Variants in BNC2 observed in about 807,000 individuals in gnomAD.
BNC2 encodes the protein basonuclin zinc finger protein 2, also known as zinc finger protein basonuclin-2.
Under a neutral mutation model 76.3 loss-of-function variants are expected in BNC2, and 20 were observed. That is an observed-to-expected ratio of 0.26 (90% CI 0.18 to 0.38). The LOEUF is 0.38. Among genes scored for constraint, BNC2 ranks in the 10% least tolerant of loss-of-function variants. The pLI is 1.00. For synonymous variants in BNC2, 582 were observed against 514.8 expected (o/e 1.13, Z -1.77); for missense variants, 1,382 against 1,399.8 (o/e 0.99, Z 0.20).
intron 1 of BNC2, among the ~76,000 whole-genome samples, chr9:16,857,732 C>G (rs1819299847): frequency 6.6e-6 from 1 of 152,116 alleles, no homozygotes; most frequent in Non-Finnish European, 1.5e-5. Context: ...TCTAAAATAA[C>G]TGGCAAAAGG....
intron 5 of BNC2, among the ~76,000 whole-genome samples, chr9:16,530,471 C>G (rs982572298): frequency 9.9e-5 from 15 of 152,132 alleles, no homozygotes; most frequent in African/African-American, 3.6e-4. Flanking sequence ...TGGATTTTCT[C>G]TCTCATAAAA....
At chr9:16,670,578 A>G (rs1357588625) in intron 3 of BNC2, among the ~76,000 whole-genome samples, 2 of 152,228 alleles carry the variant, frequency 1.3e-5, no homozygotes, top group African/African-American at 4.8e-5. Flanking sequence ...TTTAGTGTGG[A>G]TAAAGCAGTA....
At position 16,716,850 on chromosome 9, in the gene BNC2, T is replaced by G. The variant is rs1299824136; in HGVS notation, c.330+10947A>C. Among the ~76,000 whole-genome samples, 4 of 152,246 alleles carry G rather than the reference T, an allele frequency of 2.6e-5. No individual in the cohort carries two copies. In the East Asian group the frequency reaches 7.7e-4, roughly 29 times the overall value. ...TTTTCTTCCATTTTTACCTAAAGAA[T>G]GTAATCCCTGAACATATGCCAAATT... is the stretch of plus-strand genomic sequence containing the variant. On this transcript the variant is annotated intron_variant, in intron 3 of 6. Transcript: ENST00000380672.
chr9:16,739,625 T>C (rs566515605), intron 1 of BNC2, among the ~76,000 whole-genome samples: 3 of 152,262 alleles, frequency 2.0e-5, no homozygotes, highest in East Asian at 1.9e-4. Context: ...TGAGCGGAGA[T>C]TGTGCCATTG....
chr9:16,667,386 G>C (rs921475665), intron 3 of BNC2, among the ~76,000 whole-genome samples: 1 of 152,118 alleles, frequency 6.6e-6, no homozygotes, highest in South Asian at 2.1e-4. Context: ...ACTGAGATTA[G>C]GTGGTAAAAA....
chr9:16,847,066 G>A (rs890805294), intron 1 of BNC2, among the ~76,000 whole-genome samples: 1 of 152,142 alleles, frequency 6.6e-6, no homozygotes, highest in Non-Finnish European at 1.5e-5. Flanking sequence ...TTGCTGCATG[G>A]TAGAAAATGA....
At chr9:16,424,718 C>T (rs1211622753) in intron 6 of BNC2, among the ~76,000 whole-genome samples, 1 of 152,122 alleles carries the variant, frequency 6.6e-6, no homozygotes, top group African/African-American at 2.4e-5. Context: ...GGGTTAAGTA[C>T]ATTGTAAGAC....
At chr9:16,812,759 T>A (rs1818083619) in intron 1 of BNC2, among the ~76,000 whole-genome samples, 1 of 152,114 alleles carries the variant, frequency 6.6e-6, no homozygotes, top group South Asian at 2.1e-4. Context: ...CAAAATACGT[T>A]TAGCTATAAC....
chr9:16,829,404 G>A (rs762650057), intron 1 of BNC2, among the ~76,000 whole-genome samples: 2 of 152,182 alleles, frequency 1.3e-5, no homozygotes, highest in African/African-American at 2.4e-5. Flanking sequence ...GTGACTGGGT[G>A]ATTACATTCC....
chr9:16,574,206 T>C (rs991497853), intron 4 of BNC2, among the ~76,000 whole-genome samples: 5 of 152,158 alleles, frequency 3.3e-5, no homozygotes, highest in African/African-American at 1.2e-4. Flanking sequence ...GATGCTCCTA[T>C]AAACAATTAA....
intron 5 of BNC2, among the ~76,000 whole-genome samples, chr9:16,491,003 T>A (rs1327283192): frequency 1.3e-5 from 2 of 152,048 alleles, no homozygotes; most frequent in African/African-American, 2.4e-5. Flanking sequence ...TGGCTCCATA[T>A]GAGCAGAGGT....
rs1821002982 is a variant in BNC2 at position 16,435,984 on chromosome 9, G to C, written c.2210C>G (p.Ser737Cys). Residue 737 changes from serine (S) to cysteine (C), a missense_variant, in exon 6 of 7, where the codon TCC becomes TGC. Transcript: ENST00000380672. Reference sequence around the variant, plus strand: ...GTGAATGTGCTCATCCCCTTCCATGGATTCCTCGCCCAGTTTGGGCTCCGA... The same window carrying C: ...GTGAATGTGCTCATCCCCTTCCATGCATTCCTCGCCCAGTTTGGGCTCCGA... ...ESSEPKLGEE[S>C]MEGDEHIHSE... The C allele has an allele frequency of 6.2e-7, 1 of 1,614,096 alleles. No individual in the cohort carries two copies. Among genetic ancestry groups the C allele is most frequent in the South Asian group, 1.1e-5 (1 of 91,074 alleles).
chr9:16,446,568 C>A (rs140009741), intron 5 of BNC2, among the ~76,000 whole-genome samples: 1 of 152,102 alleles, frequency 6.6e-6, no homozygotes, highest in East Asian at 1.9e-4. Flanking sequence ...AAAATGATCA[C>A]CTCTCTAACC....
chr9:16,504,647 C>T (rs1474168571), intron 5 of BNC2, among the ~76,000 whole-genome samples: 1 of 152,150 alleles, frequency 6.6e-6, no homozygotes, highest in East Asian at 1.9e-4. Context: ...ATAAAAATTT[C>T]AATACTAAAA....
chr9:16,450,811 G>C (rs1363600300), intron 5 of BNC2, among the ~76,000 whole-genome samples: 1 of 152,206 alleles, frequency 6.6e-6, no homozygotes, highest in Admixed American at 6.5e-5. Context: ...CTCGGGTTCT[G>C]ATCCCCAGAG....
At chr9:16,830,571 G>A (rs1326588214) in intron 1 of BNC2, among the ~76,000 whole-genome samples, 1 of 152,158 alleles carries the variant, frequency 6.6e-6, no homozygotes, top group Non-Finnish European at 1.5e-5. Context: ...TTGATCCACG[G>A]TTGGTTGAAT....
chr9:16,616,154 G>C (rs1404628940), intron 3 of BNC2, among the ~76,000 whole-genome samples: 2 of 151,586 alleles, frequency 1.3e-5, no homozygotes, highest in African/African-American at 2.4e-5. Context: ...TGGGAGGCTG[G>C]GGTGGGAGGA....
At chr9:16,528,615 A>C (rs1817884075) in intron 5 of BNC2, among the ~76,000 whole-genome samples, 1 of 152,242 alleles carries the variant, frequency 6.6e-6, no homozygotes, top group Non-Finnish European at 1.5e-5. Context: ...GTACCTACAT[A>C]ATGACCTGGC....
chr9:16,769,166 C>A (rs545668910), intron 1 of BNC2, among the ~76,000 whole-genome samples: 1 of 152,196 alleles, frequency 6.6e-6, no homozygotes, highest in African/African-American at 2.4e-5. Flanking sequence ...TGGGCCTTAA[C>A]AACTATATAT....
Sources: gnomAD v4.1 joint callset for allele counts (sites outside exome capture counted in the v4.1 genomes callset) on GRCh38, gnomAD v4.1.1 for gene constraint, MANE v1.5 for transcripts, NCBI Gene and HGNC (gene_info 2026-07-23, HGNC 2026-07-21) for gene names.